SHISA9: variants seen among roughly 807,000 people sequenced by gnomAD.
SHISA9 encodes the protein shisa family member 9, also known as protein shisa-9.
In SHISA9, 13 loss-of-function variants were observed where a neutral mutation model predicts 38.0. That is an observed-to-expected ratio of 0.34 (90% CI 0.22 to 0.54). The LOEUF (loss-of-function observed/expected upper bound fraction) is 0.54, where lower values mean the gene tolerates loss of function less well. SHISA9 is among the 20% of genes least tolerant of loss of function. SHISA9 has a pLI of 0.91. For missense variants in SHISA9, 538 were observed against 575.8 expected, an observed-to-expected ratio of 0.93 and a Z score of 0.67; for synonymous variants, 275 against 242.0, an observed-to-expected ratio of 1.14 and a Z score of -1.27.
chr16:13,133,915 G>T (rs115583335), intron 2 of SHISA9, among the ~76,000 whole-genome samples: 1 of 152,170 alleles, frequency 6.6e-6, no homozygotes, highest in East Asian at 1.9e-4. Context: ...AATTGCTTGT[G>T]CATGGTGATA....
intron 2 of SHISA9, among the ~76,000 whole-genome samples, chr16:12,925,978 G>T (rs556753195): frequency 6.6e-6 from 1 of 151,892 alleles, no homozygotes; most frequent in Non-Finnish European, 1.5e-5. Context: ...CACCTGCCTC[G>T]GCCTCCCAAA....
At chr16:12,909,668 G>A (rs1341702895) in intron 1 of SHISA9, 130 of 935,326 alleles carry the variant, frequency 1.4e-4, no homozygotes, top group East Asian at 2.3e-4. Context: ...CTGAGAAGCC[G>A]TCCCTGACCA....
chr16:13,163,623 A>G (rs1034550833), intron 2 of SHISA9, among the ~76,000 whole-genome samples: 2 of 152,278 alleles, frequency 1.3e-5, no homozygotes, highest in East Asian at 3.9e-4. Context: ...AACCATGAAC[A>G]TGACATATTT....
the SHISA9 span, among the ~76,000 whole-genome samples, chr16:13,303,171 G>A: frequency 1.3e-5 from 2 of 152,146 alleles, no homozygotes; most frequent in Non-Finnish European, 2.9e-5. Context: ...GGAATACAAG[G>A]CAGTTCCTCA....
chr16:12,924,829 G>T (rs1327451052), intron 2 of SHISA9, among the ~76,000 whole-genome samples: 1 of 152,070 alleles, frequency 6.6e-6, no homozygotes, highest in African/African-American at 2.4e-5. Flanking sequence ...ACCAAGATTG[G>T]GTATTTGCTG....
intron 2 of SHISA9, among the ~76,000 whole-genome samples, chr16:13,186,288 C>CTTTTTTTTTTTTTTTTTTTTTTTTTTTT: frequency 9.6e-6 from 1 of 104,272 alleles, no homozygotes. Context: ...CCATCTTAAC[C>CTTTTTTTTTTTTTTTTTTTTTTTTTTTT]TTTTTTTTTT....
the SHISA9 span, among the ~76,000 whole-genome samples, chr16:13,482,188 A>T: frequency 6.6e-6 from 1 of 152,246 alleles, no homozygotes; most frequent in Non-Finnish European, 1.5e-5. Flanking sequence ...AGAAGAGGGT[A>T]AAATGCAGTC....
At chr16:13,004,197 A>T (rs896923880) in intron 2 of SHISA9, among the ~76,000 whole-genome samples, 2 of 152,202 alleles carry the variant, frequency 1.3e-5, no homozygotes, top group Non-Finnish European at 2.9e-5. Flanking sequence ...GAAAAGTCTG[A>T]CTTGTAACAG....
At chr16:13,447,563 C>T in the SHISA9 span, among the ~76,000 whole-genome samples, 1 of 152,184 alleles carries the variant, frequency 6.6e-6, no homozygotes, top group East Asian at 1.9e-4. Flanking sequence ...TCCAAGCTAC[C>T]AGGAGTGTCC....
intron 2 of SHISA9, among the ~76,000 whole-genome samples, chr16:13,049,414 C>G (rs894344881): frequency 2.6e-5 from 4 of 152,130 alleles, no homozygotes; most frequent in African/African-American, 9.7e-5. Flanking sequence ...TAGGCAATTG[C>G]TCCCTTGCAA....
At chr16:13,081,955 A>T (rs1195790861) in intron 2 of SHISA9, among the ~76,000 whole-genome samples, 1 of 151,982 alleles carries the variant, frequency 6.6e-6, no homozygotes, top group Non-Finnish European at 1.5e-5. Context: ...ACTGCCCCTC[A>T]TCTAGATTCA....
chr16:13,435,041 C>A, the SHISA9 span, among the ~76,000 whole-genome samples: 1 of 152,176 alleles, frequency 6.6e-6, no homozygotes, highest in African/African-American at 2.4e-5. Flanking sequence ...GATTTCAGCC[C>A]TGTAGGTAAT....
chr16:13,402,722 G>A, the SHISA9 span, among the ~76,000 whole-genome samples: 19 of 152,178 alleles, frequency 1.2e-4, no homozygotes, highest in East Asian at 2.3e-3. Context: ...ATCACACCCC[G>A]CTAGACGAAC....
the SHISA9 span, among the ~76,000 whole-genome samples, chr16:13,499,307 G>C: frequency 1.3e-5 from 2 of 152,180 alleles, no homozygotes; most frequent in South Asian, 2.1e-4. Flanking sequence ...TTTTGGCAAA[G>C]AAAGAGATGG....
chr16:12,936,934 G>A (rs2071542107), intron 2 of SHISA9, among the ~76,000 whole-genome samples: 1 of 152,122 alleles, frequency 6.6e-6, no homozygotes, highest in South Asian at 2.1e-4. Flanking sequence ...TGGCTAGAGG[G>A]CGGTGGGGTT....
the SHISA9 span, among the ~76,000 whole-genome samples, chr16:13,522,114 C>G: frequency 2.0e-5 from 3 of 152,210 alleles, no homozygotes; most frequent in Admixed American, 6.5e-5. Context: ...TAAGACTGTT[C>G]AAACTGCTTT....
chr16:12,967,706 T>C (rs2071998294), intron 2 of SHISA9, among the ~76,000 whole-genome samples: 1 of 151,974 alleles, frequency 6.6e-6, no homozygotes, highest in African/African-American at 2.4e-5. Context: ...TGAAGATGCC[T>C]ATGAGCTCCA....
intron 2 of SHISA9, among the ~76,000 whole-genome samples, chr16:13,048,359 AG>A (rs1273547672): frequency 2.0e-5 from 3 of 152,248 alleles, no homozygotes; most frequent in South Asian, 4.1e-4. Flanking sequence ...AAGCAAATCC[AG>A]GCATCTCTTG....
intron 2 of SHISA9, among the ~76,000 whole-genome samples, chr16:13,125,427 G>A (rs578166096): frequency 6.6e-6 from 1 of 152,314 alleles, no homozygotes; most frequent in South Asian, 2.1e-4. Context: ...TCTTTGGGCA[G>A]GTAGCTTCAC....
Sources: gnomAD v4.1 joint callset for allele counts (sites outside exome capture counted in the v4.1 genomes callset) on GRCh38, gnomAD v4.1.1 for gene constraint, MANE v1.5 for transcripts, NCBI Gene and HGNC (gene_info 2026-07-23, HGNC 2026-07-21) for gene names.